ZNF559: variants seen among roughly 807,000 people sequenced by gnomAD.
ZNF559 encodes putative protein product of Nbla00121.
ZNF559 carries 17 observed loss-of-function variants against 14.2 expected under a neutral mutation model. The observed-to-expected ratio is 1.20, with a 90% confidence interval of 0.82 to 1.80. The LOEUF is 1.80. Among genes scored for constraint, ZNF559 ranks in the 40% most tolerant of loss-of-function variants. The pLI, the probability that ZNF559 is intolerant of heterozygous loss-of-function variation, is 0.00. For missense variants in ZNF559, 740 were observed against 629.7 expected (o/e 1.18, Z -1.88); for synonymous variants, 244 against 212.4 (o/e 1.15, Z -1.29).
chr19:9,341,666 T>A lies in ZNF559; in HGVS notation c.244-29T>A, dbSNP rs144573748. On this transcript the variant is annotated intron_variant, in intron 6 of 6. Transcript: ENST00000603380. ...CAATGAAATAAATTTGGAAAACTTC[T>A]ATGAACCATCATTAATTTTCACCAA... 111 of 1,602,918 alleles carry A rather than the reference T, an allele frequency of 6.9e-5. 1 individual carries two copies. The East Asian group carries it at 2.4e-3, about 35-fold the overall frequency.
chr19:9,329,057 G>C (rs1266698352), intron 2 of ZNF559, among the ~76,000 whole-genome samples: 1 of 149,270 alleles, frequency 6.7e-6, no homozygotes, highest in Non-Finnish European at 1.5e-5. Flanking sequence ...TGTGGTGACT[G>C]TGCAGCTGTG....
intron 2 of ZNF559, chr19:9,330,158 G>A (rs927790862): frequency 2.0e-5 from 3 of 152,094 alleles, no homozygotes; most frequent in Non-Finnish European, 4.4e-5. Flanking sequence ...CCATTCTCCT[G>A]GTTTGCAAGG....
At chr19:9,340,219 A>G (rs1331051488) in intron 5 of ZNF559, among the ~76,000 whole-genome samples, 1 of 152,062 alleles carries the variant, frequency 6.6e-6, no homozygotes, top group African/African-American at 2.4e-5. Flanking sequence ...GAGAGAAAAG[A>G]CAGATGTGAT....
At chr19:9,337,040 A>C (rs1305108425) in intron 2 of ZNF559, among the ~76,000 whole-genome samples, 1 of 152,228 alleles carries the variant, frequency 6.6e-6, no homozygotes, top group Non-Finnish European at 1.5e-5. Flanking sequence ...CCATGTAGTC[A>C]CATGGACAGT....
rs756389185 is a variant in ZNF559, at chr19:9,341,728, T to G, written c.277T>G (p.Phe93Val). The change falls in exon 7 of 7, where the codon TTT becomes GTT. Residue 93 changes from phenylalanine to valine, a missense_variant. Physicochemically the swap from Phe to Val is conservative, Grantham distance 50 (BLOSUM62 -1). Transcript: ENST00000603380. Reference sequence around the variant, plus strand: ...CCATTTTGGAGAGGAACTGTTTGACTTTAACCAATGTGAAAAAGCCTTGAG... The same window carrying G: ...CCATTTTGGAGAGGAACTGTTTGACGTTAACCAATGTGAAAAAGCCTTGAG... ...RNHFGEELFD[F>V]NQCEKALSEH... is the part of the protein sequence containing the mutation. 2 of 1,597,046 alleles carry G rather than the reference T, an allele frequency of 1.3e-6. No homozygotes were observed. The highest frequency in any genetic ancestry group is 2.7e-5 in the African/African-American group (2 of 73,544).
rs757441361 is a variant in ZNF559 at position 9,342,285 on chromosome 19, T to G, written c.834T>G (p.Phe278Leu). ...AACATAAGAAATTTGGCAAAGCCTTTGCTTTTTCCCCAGATCTTGCTAAAC... is the reference window on the plus strand; with the variant it reads ...AACATAAGAAATTTGGCAAAGCCTTGGCTTTTTCCCCAGATCTTGCTAAAC... ...PIEHKKFGKAFAFSPDLAKHI... is the reference protein window; with the variant it reads ...PIEHKKFGKALAFSPDLAKHI... Residue 278 changes from phenylalanine (F) to leucine (L), a missense_variant, in exon 7 of 7, where the codon TTT becomes TTG. Coordinates refer to ENST00000603380, the MANE Select transcript of ZNF559 (RefSeq NM_032497.3). 6.3e-7 allele frequency: 1 copy of G among 1,587,730 alleles called. No individual in the cohort carries two copies. The highest frequency in any genetic ancestry group is 8.5e-7 in the Non-Finnish European group (1 of 1,171,048).
chr19:9,331,248 G>A (rs1409644097), intron 2 of ZNF559, among the ~76,000 whole-genome samples: 2 of 152,172 alleles, frequency 1.3e-5, no homozygotes. Flanking sequence ...GAAATAATGT[G>A]CCACCATGTC....
In ZNF559 at chr19:9,343,485, T is replaced by TTGA. The variant is rs1241132066; in HGVS notation, c.*418_*420dup. 1 of 1,027,144 alleles carries TTGA rather than the reference T, an allele frequency of 9.7e-7. No homozygotes were observed. Among genetic ancestry groups the TTGA allele is most frequent in the East Asian group, 8.4e-5 (1 of 11,954 alleles). 63.6% of individuals were successfully genotyped at this position (1,027,144 alleles called of 1,614,324 possible). On this transcript the variant is annotated 3_prime_UTR_variant, in exon 7 of 7. Coordinates refer to ENST00000603380, the MANE Select transcript of ZNF559 (RefSeq NM_032497.3). ...ACGTCCTCTGGCTGTAAGGAATGTGTTGAAACCTTTCACTCTGCCTTATAC... is the reference window on the plus strand; with the variant it reads ...ACGTCCTCTGGCTGTAAGGAATGTGTTGATGAAACCTTTCACTCTGCCTTATAC...
At chr19:9,324,441 C>T (rs970180415) in intron 1 of ZNF559, 12 of 1,437,972 alleles carry the variant, frequency 8.3e-6, no homozygotes, top group African/African-American at 7.2e-5. Context: ...GCGCTGGGGC[C>T]TCGGCCCGGG....
At chr19:9,328,619 C>G (rs1431323254) in intron 2 of ZNF559, among the ~76,000 whole-genome samples, 2 of 151,888 alleles carry the variant, frequency 1.3e-5, no homozygotes, top group African/African-American at 4.9e-5. Flanking sequence ...AGGTGATCCA[C>G]CTGCCTCAGC....
At chr19:9,334,421 TA>T (rs1418942737) in intron 2 of ZNF559, among the ~76,000 whole-genome samples, 2 of 152,218 alleles carry the variant, frequency 1.3e-5, no homozygotes, top group African/African-American at 2.4e-5. Flanking sequence ...TGCTTTTCGG[TA>T]AAAGGAAAAG....
At chr19:9,326,490 C>T (rs577753073) in intron 2 of ZNF559, among the ~76,000 whole-genome samples, 3 of 152,112 alleles carry the variant, frequency 2.0e-5, no homozygotes, top group East Asian at 1.9e-4. Context: ...TGATGTTTTC[C>T]TGTGATTTTA....
chr19:9,324,596 C>A (rs2066466534), intron 1 of ZNF559, 99 bp from the exon 2 acceptor site: 1 of 1,172,774 alleles, frequency 8.5e-7, no homozygotes, highest in Non-Finnish European at 1.2e-6. Flanking sequence ...GAGTTCAAGA[C>A]CAGGCAGGGC....
intron 2 of ZNF559, among the ~76,000 whole-genome samples, chr19:9,335,225 C>T (rs2067169997): frequency 1.3e-5 from 2 of 152,046 alleles, no homozygotes; most frequent in African/African-American, 4.8e-5. Context: ...TCGCTTGAGC[C>T]CAGGAGTTCA....
At position 9,341,968 on chromosome 19, in the gene ZNF559, CTT is replaced by C. The variant is rs752684216; in HGVS notation, c.518_519del (p.Leu173ArgfsTer13). On this transcript the variant is annotated frameshift_variant, in exon 7 of 7. Coordinates refer to ENST00000603380, the MANE Select transcript of ZNF559 (RefSeq NM_032497.3). LOFTEE classifies it low-confidence loss of function (END_TRUNC). ...VCKKTSQNLH[L>X]VCKKTHTQEK... ...CAAGAAAACTAGCCAAAATCTACATCTTGTTTGCAAGAAAACTCACACTCAAG... is the reference window on the plus strand; with the variant it reads ...CAAGAAAACTAGCCAAAATCTACATCGTTTGCAAGAAAACTCACACTCAAG... 4.0e-5 allele frequency: 65 copies of C among 1,613,658 alleles called. 1 individual carries two copies. The African/African-American group carries it at 7.2e-4, about 18-fold the overall frequency.
intron 1 of ZNF559, 38 bp from the exon 2 acceptor site, chr19:9,324,657 A>ATT: frequency 2.3e-6 from 3 of 1,303,878 alleles, no homozygotes; most frequent in African/African-American, 1.5e-5. Context: ...AAAAAAAAAA[A>ATT]AGTCTCCACA....
In ZNF559 at chr19:9,344,972, G is replaced by C. The variant is rs2067698513; in HGVS notation, c.*1904G>C. On this transcript the variant is annotated 3_prime_UTR_variant, in exon 7 of 7. Coordinates refer to ENST00000603380, the MANE Select transcript of ZNF559 (RefSeq NM_032497.3). ...GATAATGAACATACCTATCAAACCA[G>C]ATGGTTTCCTCATGCCCTTTTATAA... is the stretch of plus-strand genomic sequence containing the variant. The C allele has an allele frequency of 6.6e-6, 1 of 152,172 alleles. No homozygotes were observed. Among genetic ancestry groups the C allele is most frequent in the African/African-American group, 2.4e-5 (1 of 41,438 alleles). The allele number at this position is 152,172 out of a possible 1,614,324, so 9.4% of individuals were successfully genotyped here. A position where few individuals can be genotyped will look rare whatever the true frequency, so the allele number is the denominator to read the frequency against.
Position 9,343,053 on chromosome 19 carries a change from T to C in ZNF559, c.1602T>C (p.Leu534=). 6.2e-7 allele frequency: 1 copy of C among 1,610,626 alleles called. No individual in the cohort carries two copies. Among genetic ancestry groups the C allele is most frequent in the Non-Finnish European group, 8.5e-7 (1 of 1,178,338 alleles). Residue 534 remains leucine, a synonymous_variant, in exon 7 of 7, where the codon CTT becomes CTC. Coordinates refer to ENST00000603380, the MANE Select transcript of ZNF559 (RefSeq NM_032497.3). ...AAACCTTTAGTAATTCCTCATGCCT[T>C]ACTGAATGTGTGTGAATTGGGGCTG... The part of the protein sequence containing the change: ...CGQTFSNSSC[L]TECV
chr19:9,324,463 G>A (rs970567186), intron 1 of ZNF559: 41 of 1,426,154 alleles, frequency 2.9e-5, no homozygotes, highest in South Asian at 9.0e-5. Context: ...GGAGGCGGGG[G>A]GCACGGCCTT....
Sources: allele counts gnomAD v4.1 joint callset (sites outside exome capture counted in the v4.1 genomes callset), GRCh38; gene constraint gnomAD v4.1.1; transcripts MANE v1.5; gene names NCBI Gene and HGNC (gene_info 2026-07-23, HGNC 2026-07-21).